Variants in ARSB observed in about 807,000 individuals in gnomAD.
ARSB encodes arylsulfatase B.
A neutral mutation model predicts 50.9 loss-of-function variants in ARSB; 41 were observed. The observed-to-expected ratio is 0.81, with a 90% CI of 0.63 to 1.04. The LOEUF (loss-of-function observed/expected upper bound fraction) is 1.04, where lower values mean the gene tolerates loss of function less well. ARSB is among the 50% of genes least tolerant of loss of function. ARSB has a pLI of 0.00. For missense variants in ARSB, 672 were observed against 693.3 expected, an observed-to-expected ratio of 0.97 and a Z score of 0.35; for synonymous variants, 269 against 284.8, an observed-to-expected ratio of 0.94 and a Z score of 0.56.
intron 4 of ARSB, among the ~76,000 whole-genome samples, chr5:78,943,860 T>C (rs1195257448): frequency 1.3e-5 from 2 of 152,382 alleles, no homozygotes; most frequent in Non-Finnish European, 2.9e-5. Flanking sequence ...CTGGATAGTA[T>C]CCTGCAGAGT....
chr5:78,898,247 CAG>C (rs1748661330), intron 4 of ARSB, among the ~76,000 whole-genome samples: 2 of 152,206 alleles, frequency 1.3e-5, no homozygotes, highest in Non-Finnish European at 2.9e-5. Flanking sequence ...GCCTGGGCGA[CAG>C]AGTGAGGCTC....
At chr5:78,850,533 G>C (rs1017974092) in intron 5 of ARSB, among the ~76,000 whole-genome samples, 2 of 152,066 alleles carry the variant, frequency 1.3e-5, no homozygotes, top group African/African-American at 4.8e-5. Context: ...TTTTGGTTGT[G>C]TCTCTGCCTG....
chr5:78,826,003 A>G (rs763368099), intron 6 of ARSB, among the ~76,000 whole-genome samples: 3 of 151,816 alleles, frequency 2.0e-5, no homozygotes, highest in Non-Finnish European at 4.4e-5. Context: ...TTTTCCATAG[A>G]TCTTTTTTAA....
chr5:78,853,417 G>C (rs1047747949), intron 5 of ARSB, among the ~76,000 whole-genome samples: 1 of 152,200 alleles, frequency 6.6e-6, no homozygotes, highest in Non-Finnish European at 1.5e-5. Context: ...TCCTCTGGAA[G>C]TTTTGTCTCA....
intron 5 of ARSB, among the ~76,000 whole-genome samples, chr5:78,859,974 A>T (rs750266167): frequency 5.3e-5 from 8 of 152,208 alleles, no homozygotes; most frequent in Non-Finnish European, 7.3e-5. Context: ...AGGTTGGGAA[A>T]TTAGGGAATC....
chr5:78,855,272 G>A (rs1358061000), intron 5 of ARSB, among the ~76,000 whole-genome samples: 1 of 152,204 alleles, frequency 6.6e-6, no homozygotes, highest in Non-Finnish European at 1.5e-5. Context: ...TGCTCTGGGT[G>A]GACCAGGCAC....
chr5:78,787,135 T>TATCC (rs1479697893), intron 6 of ARSB, among the ~76,000 whole-genome samples: 3 of 147,606 alleles, frequency 2.0e-5, no homozygotes, highest in African/African-American at 5.0e-5. Flanking sequence ...TCTATCTATC[T>TATCC]ATATAGATAC....
intron 5 of ARSB, among the ~76,000 whole-genome samples, chr5:78,882,360 A>G (rs1747790481): frequency 6.6e-6 from 1 of 152,096 alleles, no homozygotes; most frequent in Non-Finnish European, 1.5e-5. Flanking sequence ...TCAGAGAAAA[A>G]CTTCTGTTGT....
At chr5:78,914,157 G>A (rs62379721) in intron 4 of ARSB, among the ~76,000 whole-genome samples, 2,769 of 151,964 alleles carry the variant, frequency 0.018, 50 homozygotes, top group Non-Finnish European at 0.023. Flanking sequence ...TCGAGACAGG[G>A]TCTCACTATG....
chr5:78,810,492 C>A (rs1743767043), intron 6 of ARSB, among the ~76,000 whole-genome samples: 1 of 152,218 alleles, frequency 6.6e-6, no homozygotes, highest in South Asian at 2.1e-4. Flanking sequence ...AGAAAGCAGA[C>A]CAGATTTCTG....
intron 4 of ARSB, among the ~76,000 whole-genome samples, chr5:78,908,824 C>T (rs975239521): frequency 2.7e-5 from 4 of 150,874 alleles, no homozygotes; most frequent in Non-Finnish European, 5.9e-5. Context: ...CTGGTTTTGA[C>T]ATTAATTTCT....
intron 6 of ARSB, among the ~76,000 whole-genome samples, chr5:78,796,576 T>C (rs549028522): frequency 2.0e-5 from 3 of 152,250 alleles, no homozygotes; most frequent in Non-Finnish European, 2.9e-5. Context: ...AGTGAGACAA[T>C]GCGTGCAAAG....
chr5:78,797,306 A>G (rs945591868), intron 6 of ARSB, among the ~76,000 whole-genome samples: 1 of 151,806 alleles, frequency 6.6e-6, no homozygotes, highest in Non-Finnish European at 1.5e-5. Flanking sequence ...TTCTTTTTTC[A>G]CTGTTCATCT....
rs118203943 is a variant in ARSB at position 78,964,477 on chromosome 5, T to C, written c.629A>G (p.Tyr210Cys). 2.2e-4 allele frequency: 356 copies of C among 1,613,942 alleles called. No individual in the cohort carries two copies. Among genetic ancestry groups the C allele is most frequent in the Non-Finnish European group, 2.8e-4 (332 of 1,179,918 alleles). The change falls in exon 3 of 8, where the codon TAT (tyrosine) becomes TGT (cysteine). Residue 210 changes from tyrosine to cysteine, a missense_variant. Transcript: ENST00000264914. ...CCTTTTGGTGAATATGTTTGTTGAA[T>C]ACATATTTTTATATCCTGTTGCAAC... ...EEVATGYKNM[Y>C]STNIFTKRAI... is the part of the protein sequence containing the mutation.
At chr5:78,911,572 T>TAAAAAAAAAAAA (rs71001137) in intron 4 of ARSB, among the ~76,000 whole-genome samples, 7 of 67,850 alleles carry the variant, frequency 1.0e-4, no homozygotes, top group African/African-American at 2.3e-4. Context: ...AGACTCCCTC[T>TAAAAAAAAAAAA]AAAAAAAAAA....
chr5:78,858,015 G>A (rs956442138), intron 5 of ARSB, among the ~76,000 whole-genome samples: 1 of 152,178 alleles, frequency 6.6e-6, no homozygotes. Context: ...GGCATGGCAT[G>A]GTTAAGTGAC....
At chr5:78,853,107 C>T (rs577826790) in intron 5 of ARSB, among the ~76,000 whole-genome samples, 12 of 152,340 alleles carry the variant, frequency 7.9e-5, no homozygotes, top group African/African-American at 2.4e-4. Flanking sequence ...TGTGGAACTG[C>T]GTTCCTTTGG....
At chr5:78,897,409 G>T (rs1233740371) in intron 4 of ARSB, among the ~76,000 whole-genome samples, 1 of 152,170 alleles carries the variant, frequency 6.6e-6, no homozygotes, top group African/African-American at 2.4e-5. Context: ...CCAGAGATAG[G>T]TAGTGACCTC....
chr5:78,945,681 G>T (rs1461240989), intron 4 of ARSB, among the ~76,000 whole-genome samples: 1 of 152,080 alleles, frequency 6.6e-6, no homozygotes, highest in African/African-American at 2.4e-5. Flanking sequence ...TGGACCCCTG[G>T]GTCATGCTCT....
Sources: allele counts gnomAD v4.1 joint callset (sites outside exome capture counted in the v4.1 genomes callset), GRCh38; gene constraint gnomAD v4.1.1; transcripts MANE v1.5; gene names NCBI Gene and HGNC (gene_info 2026-07-23, HGNC 2026-07-21).